The following PHOSPHO2 variants were observed in gnomAD, a reference collection of about 807,000 sequenced individuals.
PHOSPHO2 encodes the protein phosphatase, orphan 2.
A neutral mutation model predicts 16.4 loss-of-function variants in PHOSPHO2; 14 were observed. The ratio of observed to expected loss-of-function variants is 0.85; its 90% CI spans 0.56 to 1.33. PHOSPHO2 has a LOEUF of 1.33. PHOSPHO2 is among the 40% of genes most tolerant of loss of function. The pLI is 0.00. For synonymous variants in PHOSPHO2, 85 were observed against 90.5 expected (o/e 0.94, Z 0.34); for missense variants, 246 against 282.5 (o/e 0.87, Z 0.93).
At chr2:169,696,989 A>G (rs1472550407) in intron 2 of PHOSPHO2, among the ~76,000 whole-genome samples, 2 of 151,844 alleles carry the variant, frequency 1.3e-5, no homozygotes, top group Non-Finnish European at 2.9e-5. Flanking sequence ...ACATTAGAAA[A>G]ACAACATAAT....
In PHOSPHO2 at chr2:169,694,577, G is replaced by C. The variant is rs1457227477; in HGVS notation, c.-276G>C. ...GGGGCGAGGCCAAAGGACTGAACCC[G>C]CAGGAGCGTCACGGGCGCCGGGGCG... is the stretch of plus-strand genomic sequence containing the variant. On this transcript the variant is annotated 5_prime_UTR_variant, in exon 1 of 4. Coordinates refer to ENST00000359744, the MANE Select transcript of PHOSPHO2 (RefSeq NM_001008489.4). The C allele has an allele frequency of 7.0e-6, 4 of 575,110 alleles. No homozygotes were observed. In the Admixed American group the frequency reaches 1.2e-4, roughly 17 times the overall value. 35.6% of individuals were successfully genotyped at this position (575,110 alleles called of 1,614,324 possible).
At chr2:169,698,903 C>T (rs139326603) in intron 3 of PHOSPHO2, among the ~76,000 whole-genome samples, 1 of 152,252 alleles carries the variant, frequency 6.6e-6, no homozygotes, top group African/African-American at 2.4e-5. Context: ...ATTAAATTGG[C>T]CTCCAGTTCT....
chr2:169,694,646 C>T, intron 1 of PHOSPHO2, 24 bp downstream of exon 1: 1 of 468,250 alleles, frequency 2.1e-6, no homozygotes, highest in Non-Finnish European at 4.0e-6. Flanking sequence ...CCGTGGGCCC[C>T]CGCCCTGCCT....
At chr2:169,699,269 G>A (rs182764895) in intron 3 of PHOSPHO2, among the ~76,000 whole-genome samples, 33 of 149,992 alleles carry the variant, frequency 2.2e-4, no homozygotes, top group Admixed American at 2.1e-3. Context: ...CATGGTGTTT[G>A]GTTTTTCTTG....
At position 169,694,559 on chromosome 2, in the gene PHOSPHO2, G is replaced by A. The variant is rs1687433378; in HGVS notation, c.-294G>A. 1.7e-6 allele frequency: 1 copy of A among 597,620 alleles called. No individual in the cohort carries two copies. Among genetic ancestry groups the A allele is most frequent in the Non-Finnish European group, 3.0e-6 (1 of 334,946 alleles). 37.0% of individuals were successfully genotyped at this position (597,620 alleles called of 1,614,324 possible). ...TGCCGAGAGGGCAGGCGTGGGGCGA[G>A]GCCAAAGGACTGAACCCGCAGGAGC... On this transcript the variant is annotated 5_prime_UTR_variant, in exon 1 of 4. Transcript: ENST00000359744.
rs1020411956 is a variant in PHOSPHO2 at position 169,697,536 on chromosome 2, G to A, written c.-27+5G>A. ...GTCTTGGAAATACTAAGTTGGGTAA[G>A]TATTTTTTAAAGGTTTATGTTGAGT... On this transcript the variant is annotated splice_donor_5th_base_variant and intron_variant, in intron 3 of 3. Transcript: ENST00000359744. 4.6e-5 allele frequency: 7 copies of A among 152,156 alleles called. No homozygotes were observed. The highest frequency in any genetic ancestry group is 1.7e-4 in the African/African-American group (7 of 41,428). 9.4% of individuals were successfully genotyped at this position (152,156 alleles called of 1,614,324 possible). A position where few individuals can be genotyped will look rare whatever the true frequency, so the allele number is the denominator to read the frequency against.
At chr2:169,695,619 C>T (rs1453416882) in intron 2 of PHOSPHO2, among the ~76,000 whole-genome samples, 2 of 146,998 alleles carry the variant, frequency 1.4e-5, no homozygotes, top group East Asian at 3.9e-4. Context: ...GCCTGGGCGA[C>T]AGAGCGAGAC....
intron 3 of PHOSPHO2, among the ~76,000 whole-genome samples, chr2:169,700,727 G>A (rs1373961520): frequency 3.3e-5 from 5 of 151,924 alleles, no homozygotes; most frequent in Non-Finnish European, 5.9e-5. Flanking sequence ...ATAATACTAT[G>A]AATGTCCTTT....
chr2:169,697,955 CTA>C (rs1344612479), intron 3 of PHOSPHO2: 1 of 152,174 alleles, frequency 6.6e-6, no homozygotes, highest in Non-Finnish European at 1.5e-5. Context: ...ATAACAAAAA[CTA>C]TGTACCAGCC....
intron 1 of PHOSPHO2, 151 bp from the exon 2 acceptor site, chr2:169,695,064 C>G (rs964186334): frequency 6.5e-6 from 1 of 153,756 alleles, no homozygotes; most frequent in Non-Finnish European, 1.4e-5. Context: ...AGATGCTTTT[C>G]TAACACATTG....
chr2:169,699,773 T>A (rs1431023313), intron 3 of PHOSPHO2, among the ~76,000 whole-genome samples: 1 of 152,252 alleles, frequency 6.6e-6, no homozygotes, highest in African/African-American at 2.4e-5. Flanking sequence ...ATTTCTCTAA[T>A]GATCAGTGAT....
At position 169,694,516 on chromosome 2, in the gene PHOSPHO2, T is replaced by C. The variant is rs1687429851; in HGVS notation, c.-337T>C. Reference sequence around the variant, plus strand: ...AAGAGAGGCGCCTGCGCTTGCGAGCTGGGCTTGTGAGTGGGGCTGCCGAGA... The same window carrying C: ...AAGAGAGGCGCCTGCGCTTGCGAGCCGGGCTTGTGAGTGGGGCTGCCGAGA... On this transcript the variant is annotated 5_prime_UTR_variant, in exon 1 of 4. Transcript: ENST00000359744. The C allele has an allele frequency of 4.6e-6, 3 of 649,306 alleles. No homozygotes were observed. The highest frequency in any genetic ancestry group is 5.5e-6 in the Non-Finnish European group (2 of 362,070). 40.2% of individuals were successfully genotyped at this position (649,306 alleles called of 1,614,324 possible).
intron 1 of PHOSPHO2, 142 bp downstream of exon 1, chr2:169,694,764 G>C: frequency 7.3e-6 from 2 of 272,826 alleles, no homozygotes; most frequent in South Asian, 4.2e-5. Flanking sequence ...GCGAGGCCTA[G>C]GCGTGGTGTG....
At chr2:169,698,726 C>CT (rs2105596571) in intron 3 of PHOSPHO2, among the ~76,000 whole-genome samples, 1 of 152,152 alleles carries the variant, frequency 6.6e-6, no homozygotes, top group South Asian at 2.1e-4. Context: ...AATTAATCAC[C>CT]TTCATTATAT....
rs750133922 is a variant in PHOSPHO2, at chr2:169,695,235, C to T, written c.-210C>T. On this transcript the variant is annotated 5_prime_UTR_variant, in exon 2 of 4. In the 5' UTR this introduces an upstream ATG that the reference lacks. Coordinates refer to ENST00000359744, the MANE Select transcript of PHOSPHO2 (RefSeq NM_001008489.4). The stretch of plus-strand genomic sequence containing the variant: ...TTTAGGTTTTCTATCAGATGTTCCA[C>T]GTAATAATGCTGGTAAGTATGGAAT... The T allele has an allele frequency of 6.6e-6, 1 of 152,160 alleles. No individual in the cohort carries two copies. The highest frequency in any genetic ancestry group is 1.5e-5 in the Non-Finnish European group (1 of 68,020). The allele number at this position is 152,160 out of a possible 1,614,324, so 9.4% of individuals were successfully genotyped here.
chr2:169,698,711 T>G (rs34603151), intron 3 of PHOSPHO2, among the ~76,000 whole-genome samples: 54,423 of 151,962 alleles, frequency 0.36, 10,034 homozygotes, highest in African/African-American at 0.42. Context: ...TCTCTTGAGA[T>G]TTATAATTAA....
In PHOSPHO2 at chr2:169,700,947, G is replaced by A. The variant is rs752179683; in HGVS notation, c.-25G>A. ...GGAATAATATTTCTTCTTTTTCAGG[G>A]TAATCCAAATCTATTTCTGGAACCA... is the stretch of plus-strand genomic sequence containing the variant. On this transcript the variant is annotated splice_region_variant and 5_prime_UTR_variant, in exon 4 of 4. Coordinates refer to ENST00000359744, the MANE Select transcript of PHOSPHO2 (RefSeq NM_001008489.4). 1 of 1,564,038 alleles carries A rather than the reference G, an allele frequency of 6.4e-7. No homozygotes were observed. The highest frequency in any genetic ancestry group is 8.6e-7 in the Non-Finnish European group (1 of 1,161,386).
intron 2 of PHOSPHO2, among the ~76,000 whole-genome samples, chr2:169,697,050 C>G (rs914350283): frequency 4.0e-5 from 6 of 150,074 alleles, no homozygotes; most frequent in East Asian, 1.9e-4. Flanking sequence ...GAGTCTCGCT[C>G]TGTTGCCCAG....
Position 169,701,403 on chromosome 2 carries a change from C to G in PHOSPHO2, c.432C>G (p.Cys144Trp), listed in dbSNP as rs1327132771. The change falls in exon 4 of 4, where the codon TGC becomes TGG. Residue 144 changes from cysteine (C) to tryptophan (W), a missense_variant. By Grantham distance (215) the Cys-to-Trp change is radical (BLOSUM62 -2). Transcript: ENST00000359744. ...LTVENYHTHS[C>W]NRCPKNLCKK... ...TTGAAAATTATCATACTCATTCTTGCAATAGATGCCCAAAGAATCTTTGCA... is the reference window on the plus strand; with the variant it reads ...TTGAAAATTATCATACTCATTCTTGGAATAGATGCCCAAAGAATCTTTGCA... The G allele has an allele frequency of 6.2e-7, 1 of 1,613,294 alleles. No individual in the cohort carries two copies. The highest frequency in any genetic ancestry group is 1.7e-5 in the Admixed American group (1 of 59,950).
Sources: gnomAD v4.1 joint callset for allele counts (sites outside exome capture counted in the v4.1 genomes callset) on GRCh38, gnomAD v4.1.1 for gene constraint, MANE v1.5 for transcripts, NCBI Gene and HGNC (gene_info 2026-07-23, HGNC 2026-07-21) for gene names.